Variants in PDE11A observed in about 807,000 individuals in gnomAD.
PDE11A encodes phosphodiesterase 11A.
PDE11A carries 100 observed loss-of-function variants against 100.5 expected under a neutral mutation model. The observed-to-expected ratio is 1.00, with a 90% CI of 0.85 to 1.18. The LOEUF is 1.18. Ranked by LOEUF, PDE11A falls within the 50% of genes most tolerant of loss-of-function variation. PDE11A has a pLI of 0.00. For synonymous variants in PDE11A, 381 were observed against 420.8 expected (o/e 0.91, Z 1.16); for missense variants, 1,141 against 1,152.6 (o/e 0.99, Z 0.15).
At chr2:177,728,902 C>T (rs111343654) in intron 10 of PDE11A, among the ~76,000 whole-genome samples, 3,034 of 152,058 alleles carry the variant, frequency 0.02, 43 homozygotes, top group South Asian at 0.033. Context: ...TGCCCACAAA[C>T]GAGCCTAAAG....
chr2:178,034,814 C>T (rs1298248766), intron 1 of PDE11A, among the ~76,000 whole-genome samples: 4 of 152,166 alleles, frequency 2.6e-5, no homozygotes, highest in African/African-American at 9.7e-5. Context: ...CAAAGGAGTT[C>T]TTTGAAACCA....
At chr2:178,019,637 G>T (rs974724514) in intron 1 of PDE11A, among the ~76,000 whole-genome samples, 6 of 152,142 alleles carry the variant, frequency 3.9e-5, no homozygotes, top group Non-Finnish European at 7.3e-5. Context: ...AAATAGACCA[G>T]TTGGGAAATT....
chr2:177,653,121 G>C (rs1439350446), intron 19 of PDE11A, among the ~76,000 whole-genome samples: 1 of 152,194 alleles, frequency 6.6e-6, no homozygotes, highest in Non-Finnish European at 1.5e-5. Context: ...AGTCCATGCA[G>C]ATCTTTTCTC....
At chr2:177,811,638 G>A (rs1162726493) in intron 9 of PDE11A, among the ~76,000 whole-genome samples, 1 of 151,818 alleles carries the variant, frequency 6.6e-6, no homozygotes, top group African/African-American at 2.4e-5. Flanking sequence ...GTGACAACAG[G>A]GAAAGGACTG....
intron 1 of PDE11A, among the ~76,000 whole-genome samples, chr2:178,046,790 T>C (rs2086757237): frequency 6.6e-6 from 1 of 152,194 alleles, no homozygotes; most frequent in Admixed American, 6.5e-5. Context: ...GGTAAATTTA[T>C]TTCTGTTAGT....
At chr2:177,651,999 T>C (rs939899983) in intron 19 of PDE11A, among the ~76,000 whole-genome samples, 1 of 152,170 alleles carries the variant, frequency 6.6e-6, no homozygotes, top group Non-Finnish European at 1.5e-5. Context: ...AAGCATAAGA[T>C]GCTGAGGAAA....
At chr2:177,792,543 C>A (rs1363487225) in intron 9 of PDE11A, among the ~76,000 whole-genome samples, 1 of 152,132 alleles carries the variant, frequency 6.6e-6, no homozygotes, top group African/African-American at 2.4e-5. Context: ...TGCAGGAACA[C>A]CATGGAGCAT....
At chr2:177,681,105 A>G (rs1343112513) in intron 15 of PDE11A, among the ~76,000 whole-genome samples, 1 of 152,242 alleles carries the variant, frequency 6.6e-6, no homozygotes, top group Non-Finnish European at 1.5e-5. Flanking sequence ...AAAAGCCACA[A>G]TCATTTCTGA....
chr2:177,880,852 C>CTCTTTGGT (rs2084320459), intron 4 of PDE11A, among the ~76,000 whole-genome samples: 1 of 152,100 alleles, frequency 6.6e-6, no homozygotes, highest in Admixed American at 6.5e-5. Flanking sequence ...TACTGGATAG[C>CTCTTTGGT]ACAGGGAGAT....
intron 19 of PDE11A, among the ~76,000 whole-genome samples, chr2:177,647,709 C>T (rs1389359358): frequency 2.0e-5 from 3 of 152,090 alleles, no homozygotes; most frequent in Admixed American, 6.6e-5. Context: ...CCCAAAGCAT[C>T]GAGGAGAAAT....
chr2:177,783,787 C>T (rs755584085), intron 9 of PDE11A, among the ~76,000 whole-genome samples: 1 of 152,182 alleles, frequency 6.6e-6, no homozygotes, highest in Non-Finnish European at 1.5e-5. Flanking sequence ...TTTCAAATGG[C>T]ATTGATCTCT....
At chr2:177,855,903 A>AACAC (rs57202805) in intron 5 of PDE11A, among the ~76,000 whole-genome samples, 1,454 of 139,644 alleles carry the variant, frequency 0.01, 25 homozygotes, top group African/African-American at 0.033. Flanking sequence ...GAACGTATGC[A>AACAC]ACACACACAC....
At chr2:177,956,045 C>A (rs2085557791) in intron 2 of PDE11A, among the ~76,000 whole-genome samples, 1 of 152,056 alleles carries the variant, frequency 6.6e-6, no homozygotes, top group African/African-American at 2.4e-5. Context: ...CGACAAAAGC[C>A]AAAATTGACA....
chr2:177,787,414 G>C (rs1039852285), intron 9 of PDE11A, among the ~76,000 whole-genome samples: 1 of 151,374 alleles, frequency 6.6e-6, no homozygotes, highest in African/African-American at 2.4e-5. Context: ...GGAACAACTG[G>C]TACCAGCCGC....
intron 9 of PDE11A, among the ~76,000 whole-genome samples, chr2:177,792,831 T>C (rs963060183): frequency 2.6e-5 from 4 of 152,200 alleles, no homozygotes; most frequent in Admixed American, 6.5e-5. Flanking sequence ...GACATATCCA[T>C]TGAAGACTTA....
chr2:177,846,797 C>T (rs1206836676), intron 5 of PDE11A, among the ~76,000 whole-genome samples: 2 of 152,204 alleles, frequency 1.3e-5, no homozygotes, highest in African/African-American at 4.8e-5. Flanking sequence ...CAATGGCCCT[C>T]CTTCAAGCTT....
intron 10 of PDE11A, among the ~76,000 whole-genome samples, chr2:177,736,120 TG>T (rs1298300975): frequency 6.6e-6 from 1 of 152,206 alleles, no homozygotes; most frequent in Admixed American, 6.5e-5. Flanking sequence ...AGTGGGGTTC[TG>T]GGTCTAATGG....
At chr2:177,984,390 C>T (rs2085917581) in intron 2 of PDE11A, among the ~76,000 whole-genome samples, 1 of 152,114 alleles carries the variant, frequency 6.6e-6, no homozygotes, top group South Asian at 2.1e-4. Context: ...GAATGGCATA[C>T]ATATACTTTT....
intron 1 of PDE11A, among the ~76,000 whole-genome samples, chr2:178,049,650 C>T (rs1208447568): frequency 6.6e-6 from 1 of 152,146 alleles, no homozygotes; most frequent in Non-Finnish European, 1.5e-5. Flanking sequence ...TCACTCCCAC[C>T]CTAATACTGT....
Sources: gnomAD v4.1 joint callset for allele counts (sites outside exome capture counted in the v4.1 genomes callset) on GRCh38, gnomAD v4.1.1 for gene constraint, MANE v1.5 for transcripts, NCBI Gene and HGNC (gene_info 2026-07-23, HGNC 2026-07-21) for gene names.